KALRN: variants seen among roughly 807,000 people sequenced by gnomAD.
KALRN encodes the protein kalirin RhoGEF kinase, also known as kalirin.
A neutral mutation model predicts 353.7 loss-of-function variants in KALRN; 70 were observed. That is an observed-to-expected ratio of 0.20 (90% CI 0.16 to 0.24). The LOEUF is 0.24. KALRN is among the 10% of genes least tolerant of loss of function. The pLI is 1.00. For missense variants in KALRN, 2,791 were observed against 3,756.7 expected (o/e 0.74, Z 6.72); for synonymous variants, 1,391 against 1,434.8 (o/e 0.97, Z 0.69).
intron 11 of KALRN, among the ~76,000 whole-genome samples, chr3:124,392,238 T>A (rs887992653): frequency 9.9e-5 from 15 of 152,170 alleles, no homozygotes; most frequent in African/African-American, 2.2e-4. Flanking sequence ...TTTAAAAAAA[T>A]TTTTTTATAG....
chr3:124,496,016 C>CATATATATATATATATATATATAT (rs2063798056), intron 32 of KALRN, among the ~76,000 whole-genome samples: 2 of 30,152 alleles, frequency 6.6e-5, no homozygotes, highest in African/African-American at 3.6e-4. Context: ...TATATATACA[C>CATATATATATATATATATATATAT]ACACATATAT....
At position 124,650,761 on chromosome 3, in the gene KALRN, G is replaced by A. The variant is rs868534367; in HGVS notation, c.5665-47G>A. ...CTGGGAGGACACAGGGATTCCAAAT[G>A]ACTTTTCAAAGTACACTTCTCTAAG... On this transcript the variant is annotated intron_variant, in intron 37 of 59. Coordinates refer to ENST00000682506, the MANE Select transcript of KALRN (RefSeq NM_001388419.1). The A allele has an allele frequency of 2.5e-6, 4 of 1,581,940 alleles. 1 individual carries two copies. The South Asian group carries it at 4.5e-5, about 18-fold the overall frequency.
intron 33 of KALRN, 119 bp from the exon 34 acceptor site, chr3:124,562,724 C>T: frequency 1.1e-6 from 1 of 939,438 alleles, no homozygotes. Context: ...TTCCCCTTCT[C>T]TTCCTCCTTA....
intron 1 of KALRN, among the ~76,000 whole-genome samples, chr3:124,125,396 T>A (rs1264176018): frequency 2.0e-5 from 3 of 152,184 alleles, no homozygotes; most frequent in Non-Finnish European, 1.5e-5. Context: ...GACTCAAAGA[T>A]ACTGATTATC....
chr3:124,362,047 G>T (rs2084108019), intron 10 of KALRN, among the ~76,000 whole-genome samples: 1 of 152,110 alleles, frequency 6.6e-6, no homozygotes, highest in African/African-American at 2.4e-5. Context: ...GGCATTCAGG[G>T]TAATGGGGGC....
rs573721033 is a variant in KALRN, at chr3:124,238,964, A to G, written c.263+4021A>G. 9.8e-5 allele frequency among the ~76,000 whole-genome samples: 15 copies of G among 152,288 alleles called. No individual in the cohort carries two copies. The East Asian group carries it at 1.5e-3, about 16-fold the overall frequency. Reference sequence around the variant, plus strand: ...GAAACCTTAAACGTCTTCTAATTCAACTTTTCAATAACTCCATCCACTCAG... The same window carrying G: ...GAAACCTTAAACGTCTTCTAATTCAGCTTTTCAATAACTCCATCCACTCAG... On this transcript the variant is annotated intron_variant, in intron 3 of 59. Transcript: ENST00000682506.
chr3:124,158,604 C>T (rs758926747), intron 1 of KALRN, among the ~76,000 whole-genome samples: 15 of 152,232 alleles, frequency 9.9e-5, no homozygotes, highest in Non-Finnish European at 1.8e-4. Flanking sequence ...TCACTGAAAG[C>T]AATCCCTGAC....
chr3:124,556,903 C>T (rs2071329790), intron 33 of KALRN, among the ~76,000 whole-genome samples: 1 of 152,176 alleles, frequency 6.6e-6, no homozygotes, highest in South Asian at 2.1e-4. Flanking sequence ...ATGATGTTCA[C>T]ACAGTTATAT....
At chr3:124,457,123 G>A (rs2059388997) in intron 23 of KALRN, among the ~76,000 whole-genome samples, 1 of 152,012 alleles carries the variant, frequency 6.6e-6, no homozygotes, top group Admixed American at 6.5e-5. Flanking sequence ...AGGCTGGAAT[G>A]CAGTGGCATG....
At position 124,261,938 on chromosome 3, in the gene KALRN, A is replaced by G. The variant is rs147454289; in HGVS notation, c.264-2560A>G. Among the ~76,000 whole-genome samples, 56 of 152,338 alleles carry G rather than the reference A, an allele frequency of 3.7e-4. No homozygotes were observed. The East Asian group carries it at 0.011, about 29-fold the overall frequency. ...TCCCTGATAGAAAGATGGACAAAAG[A>G]GCTGATCAGGTAATTCACAGAAGAA... On this transcript the variant is annotated intron_variant, in intron 3 of 59. Transcript: ENST00000682506.
chr3:124,599,573 G>T (rs368056713), intron 34 of KALRN, among the ~76,000 whole-genome samples: 4 of 152,300 alleles, frequency 2.6e-5, no homozygotes, highest in East Asian at 3.9e-4. Context: ...GGGTGTGCTG[G>T]CAGGGTTCAG....
At chr3:124,223,764 G>T (rs1196729936) in intron 1 of KALRN, among the ~76,000 whole-genome samples, 1 of 152,188 alleles carries the variant, frequency 6.6e-6, no homozygotes, top group East Asian at 1.9e-4. Flanking sequence ...GGGGGCTCAA[G>T]GGCCAGTTTT....
chr3:124,568,503 T>C (rs918522177), intron 34 of KALRN, among the ~76,000 whole-genome samples: 2 of 152,124 alleles, frequency 1.3e-5, no homozygotes, highest in Non-Finnish European at 2.9e-5. Context: ...AACATCTGAG[T>C]ATATATCCAA....
At chr3:124,058,204 G>A (rs997644370) in intron 1 of KALRN, among the ~76,000 whole-genome samples, 2 of 152,160 alleles carry the variant, frequency 1.3e-5, no homozygotes, top group Non-Finnish European at 2.9e-5. Context: ...AATTCAAGAT[G>A]AGATTTGGGT....
intron 59 of KALRN, among the ~76,000 whole-genome samples, chr3:124,717,922 C>G (rs2063224573): frequency 6.6e-6 from 1 of 151,110 alleles, no homozygotes; most frequent in South Asian, 2.1e-4. Flanking sequence ...AGCGATTCTC[C>G]TGCCTTAGCC....
intron 10 of KALRN, among the ~76,000 whole-genome samples, chr3:124,354,724 A>G (rs779511631): frequency 6.6e-6 from 1 of 152,222 alleles, no homozygotes; most frequent in Admixed American, 6.5e-5. Context: ...GAAGATAAAT[A>G]TAATAGGTAG....
At chr3:124,356,985 G>A (rs546081381) in intron 10 of KALRN, among the ~76,000 whole-genome samples, 314 of 152,182 alleles carry the variant, frequency 2.1e-3, no homozygotes, top group Admixed American at 4.6e-3. Flanking sequence ...TTTTCAGAGG[G>A]TTCCTAAACT....
intron 38 of KALRN, among the ~76,000 whole-genome samples, chr3:124,651,410 T>C (rs1578668971): frequency 6.6e-6 from 1 of 152,322 alleles, no homozygotes; most frequent in East Asian, 1.9e-4. Context: ...TCCAAAGGTT[T>C]TAATTTTGCA....
intron 10 of KALRN, among the ~76,000 whole-genome samples, chr3:124,376,889 A>C (rs2086663177): frequency 6.6e-6 from 1 of 152,192 alleles, no homozygotes; most frequent in South Asian, 2.1e-4. Context: ...TTCTCCTTAG[A>C]AGACAACATG....
Sources: gnomAD v4.1 joint callset for allele counts (sites outside exome capture counted in the v4.1 genomes callset) on GRCh38, gnomAD v4.1.1 for gene constraint, MANE v1.5 for transcripts, NCBI Gene and HGNC (gene_info 2026-07-23, HGNC 2026-07-21) for gene names.